The following CAPN2 variants were observed in gnomAD, a reference collection of about 807,000 sequenced individuals.
CAPN2 encodes the protein calpain 2, also known as calpain-2 catalytic subunit.
CAPN2 carries 92 observed loss-of-function variants against 102.3 expected under a neutral mutation model. That is an observed-to-expected ratio of 0.90 (90% CI 0.76 to 1.07). The LOEUF (loss-of-function observed/expected upper bound fraction) is 1.07. Ranked by LOEUF, CAPN2 falls within the 50% of genes least tolerant of loss-of-function variation. The pLI is 0.00. For synonymous variants in CAPN2, 340 were observed against 355.4 expected, an observed-to-expected ratio of 0.96 and a Z score of 0.49; for missense variants, 800 against 909.4, an observed-to-expected ratio of 0.88 and a Z score of 1.55.
chr1:223,736,211 A>G (rs1253690482), intron 2 of CAPN2, among the ~76,000 whole-genome samples: 5 of 152,186 alleles, frequency 3.3e-5, no homozygotes, highest in Non-Finnish European at 7.3e-5. Context: ...AAAGGGCAGC[A>G]CACAGCCCTG....
In CAPN2 at chr1:223,761,630, CTT is replaced by C. The variant is rs1661186990; in HGVS notation, c.1566+15_1566+16del. The C allele has an allele frequency of 2.5e-6, 4 of 1,607,336 alleles. No homozygotes were observed. The highest frequency in any genetic ancestry group is 1.3e-5 in the African/African-American group (1 of 74,782). ...CAATCTTGAAGAGGTATTTGTAACT[CTT>C]TGAATTTCACCCACTCTGTCCTGGA... is the stretch of plus-strand genomic sequence containing the variant. On this transcript the variant is annotated intron_variant, in intron 13 of 20. Coordinates refer to ENST00000295006, the MANE Select transcript of CAPN2 (RefSeq NM_001748.5).
At chr1:223,751,623 C>T (rs867162869) in intron 7 of CAPN2, among the ~76,000 whole-genome samples, 2 of 130,088 alleles carry the variant, frequency 1.5e-5, no homozygotes, top group Non-Finnish European at 3.0e-5. Flanking sequence ...CAGGCCTCAG[C>T]CGGAGGCTCC....
In CAPN2 at chr1:223,754,897, C is replaced by T. The variant is rs1660993086; in HGVS notation, c.1136-583C>T. On this transcript the variant is annotated intron_variant, in intron 9 of 20. Transcript: ENST00000295006. This position sits in a 1 kb window ranked among gnomAD's most constrained non-coding sequence, Gnocchi z 4.7. ...CCGCCCCAGGCTCCCCATCAGAGCC[C>T]AGTGAAGAGAAGGTACCATGAGGGG... is the stretch of plus-strand genomic sequence containing the variant. 6.6e-6 allele frequency among the ~76,000 whole-genome samples: 1 copy of T among 152,118 alleles called. No individual in the cohort carries two copies.
At chr1:223,767,014 G>A (rs1441311144) in intron 16 of CAPN2, among the ~76,000 whole-genome samples, 2 of 151,594 alleles carry the variant, frequency 1.3e-5, no homozygotes, top group African/African-American at 2.4e-5. Context: ...TGGGGCTGGT[G>A]CGGGAAATTC....
At chr1:223,723,431 A>C (rs569394078) in intron 2 of CAPN2, among the ~76,000 whole-genome samples, 13 of 152,270 alleles carry the variant, frequency 8.5e-5, no homozygotes, top group African/African-American at 3.1e-4. Flanking sequence ...TTTTTCTTAA[A>C]AATGATCTCT....
chr1:223,735,712 C>T (rs947840240), intron 2 of CAPN2, among the ~76,000 whole-genome samples: 1 of 151,922 alleles, frequency 6.6e-6, no homozygotes, highest in African/African-American at 2.4e-5. Flanking sequence ...GGCCTGTGCC[C>T]AGCAGCGAGG....
intron 2 of CAPN2, among the ~76,000 whole-genome samples, chr1:223,740,025 G>A (rs1353010357): frequency 1.3e-5 from 2 of 152,194 alleles, no homozygotes; most frequent in East Asian, 1.9e-4. Context: ...ATCTGAAAGA[G>A]TTTTCATAAA....
intron 16 of CAPN2, among the ~76,000 whole-genome samples, chr1:223,768,970 T>C (rs1321572916): frequency 6.6e-6 from 1 of 152,186 alleles, no homozygotes; most frequent in African/African-American, 2.4e-5. Context: ...AGGATCCTAC[T>C]TCCCTTTTGC....
At chr1:223,713,044 A>C (rs998410285) in intron 1 of CAPN2, among the ~76,000 whole-genome samples, 167 bp downstream of exon 1, 3 of 151,918 alleles carry the variant, frequency 2.0e-5, no homozygotes, top group Non-Finnish European at 4.4e-5. Flanking sequence ...AGAGCCCGGG[A>C]CTCTGTTCGA....
chr1:223,768,507 G>A (rs1202606045), intron 16 of CAPN2, among the ~76,000 whole-genome samples: 1 of 152,112 alleles, frequency 6.6e-6, no homozygotes. Flanking sequence ...TTGTAGATAC[G>A]GCGTTATTTC....
chr1:223,739,219 T>C (rs1660544992), intron 2 of CAPN2, among the ~76,000 whole-genome samples: 1 of 147,828 alleles, frequency 6.8e-6, no homozygotes, highest in African/African-American at 2.5e-5. Context: ...AGTCTCACTC[T>C]GTGCCCCAGG....
At position 223,727,439 on chromosome 1, in the gene CAPN2, G is replaced by A. The variant is rs1055511417; in HGVS notation, c.307+9608G>A. Among the ~76,000 whole-genome samples the A allele has an allele frequency of 6.6e-6, 1 of 152,130 alleles. No homozygotes were observed. Among genetic ancestry groups the A allele is most frequent in the Non-Finnish European group, 1.5e-5 (1 of 68,028 alleles). ...GCAGACCTTGCCAAATGTCCCCTGG[G>A]GGCTTGGCGGAGTTGGGGGGTGCAT... On this transcript the variant is annotated intron_variant, in intron 2 of 20. Transcript: ENST00000295006. This position sits in a 1 kb window ranked among gnomAD's most constrained non-coding sequence, Gnocchi z 4.1.
At chr1:223,771,971 T>A in intron 19 of CAPN2, 46 bp downstream of exon 19, 1 of 1,375,918 alleles carries the variant, frequency 7.3e-7, no homozygotes, top group Non-Finnish European at 1.0e-6. Context: ...CTCTTGGTAT[T>A]AAAGTGGCCT....
In CAPN2 at chr1:223,752,039, G is replaced by T. The variant is rs1660915221; in HGVS notation, c.942G>T (p.Arg314Ser). 1.9e-6 allele frequency: 3 copies of T among 1,613,480 alleles called. No homozygotes were observed. The highest frequency in any genetic ancestry group is 2.5e-6 in the Non-Finnish European group (3 of 1,179,508). The change falls in exon 8 of 21, where the codon AGG becomes AGT. Residue 314 changes from arginine to serine, a missense_variant. Arg to Ser is a moderately radical substitution (Grantham distance 110). Transcript: ENST00000295006. ...WNTIDPEERERLTRRHEDGEF... is the reference protein window; with the variant it reads ...WNTIDPEERESLTRRHEDGEF... ...CTATAGACCCAGAGGAGAGGGAAAG[G>T]CTGACCAGACGGCATGAAGATGGAG...
chr1:223,759,470 A>C lies in CAPN2; in HGVS notation c.1518A>C (p.Lys506Asn). The C allele has an allele frequency of 6.2e-7, 1 of 1,613,970 alleles. No individual in the cohort carries two copies. Among genetic ancestry groups the C allele is most frequent in the Non-Finnish European group, 8.5e-7 (1 of 1,180,004 alleles). ...GCATCCGGGTCTTTTCTGAAAAGAA[A>C]GCTGACTACCAGTAGGCGGTTTGGT... The part of the protein sequence containing the change: ...DFCIRVFSEK[K>N]ADYQAVDDEI... The change falls in exon 12 of 21, where the codon AAA (lysine) becomes AAC (asparagine). Residue 506 changes from lysine (K) to asparagine (N), a missense_variant. Transcript: ENST00000295006. The surrounding 1 kb of genome is among the most constrained non-coding windows in gnomAD (Gnocchi z 4.6).
At chr1:223,767,169 CTTCTTTAT>C (rs1419612057) in intron 16 of CAPN2, among the ~76,000 whole-genome samples, 3 of 143,686 alleles carry the variant, frequency 2.1e-5, no homozygotes, top group South Asian at 2.1e-4. Flanking sequence ...AGATCGTCGT[CTTCTTTAT>C]TTATTTATTT....
intron 1 of CAPN2, among the ~76,000 whole-genome samples, chr1:223,704,303 A>G (rs1659553335): frequency 6.6e-6 from 1 of 152,130 alleles, no homozygotes; most frequent in Non-Finnish European, 1.5e-5. Flanking sequence ...AACAACACCA[A>G]AAAACATTGA....
intron 16 of CAPN2, among the ~76,000 whole-genome samples, chr1:223,768,479 T>C (rs1661392630): frequency 6.6e-6 from 1 of 152,176 alleles, no homozygotes; most frequent in Non-Finnish European, 1.5e-5. Context: ...TTTCTCAGGT[T>C]TATCAAAGAT....
At position 223,755,748 on chromosome 1, in the gene CAPN2, C is replaced by T; in HGVS notation, c.1305+99C>T. 4 of 1,235,136 alleles carry T rather than the reference C, an allele frequency of 3.2e-6. No individual in the cohort carries two copies. Among genetic ancestry groups the T allele is most frequent in the South Asian group, 1.6e-5 (1 of 62,394 alleles). The allele number at this position is 1,235,136 out of a possible 1,614,324, so 76.5% of individuals were successfully genotyped here. ...AGAGGCAGAACTGGGGATGGGATCC[C>T]AGACCGGGAGCTTGGCCAAGGAAAA... On this transcript the variant is annotated intron_variant, in intron 10 of 20. Coordinates refer to ENST00000295006, the MANE Select transcript of CAPN2 (RefSeq NM_001748.5). This position sits in a 1 kb window ranked among gnomAD's most constrained non-coding sequence, Gnocchi z 4.1.
Sources: allele counts gnomAD v4.1 joint callset (sites outside exome capture counted in the v4.1 genomes callset), GRCh38; gene constraint gnomAD v4.1.1; non-coding constraint Gnocchi (gnomAD v3.1); transcripts MANE v1.5; gene names NCBI Gene and HGNC (gene_info 2026-07-23, HGNC 2026-07-21).